The following DLC1 variants were observed in gnomAD, a reference collection of about 807,000 sequenced individuals.
DLC1 encodes rho GTPase-activating protein 7.
Under a neutral mutation model 140.3 loss-of-function variants are expected in DLC1, and 54 were observed. The ratio of observed to expected loss-of-function variants is 0.38; its 90% CI spans 0.31 to 0.48. The LOEUF (loss-of-function observed/expected upper bound fraction) is 0.48. DLC1 is among the 20% of genes least tolerant of loss of function. The pLI is 0.96. For synonymous variants in DLC1, 986 were observed against 728.1 expected, an observed-to-expected ratio of 1.35 and a Z score of -5.70; for missense variants, 2,536 against 1,907.0, an observed-to-expected ratio of 1.33 and a Z score of -6.14.
chr8:13,455,282 G>A (rs190455889), intron 2 of DLC1, among the ~76,000 whole-genome samples: 11 of 152,264 alleles, frequency 7.2e-5, no homozygotes, highest in Admixed American at 2.6e-4. Context: ...GCACACAATT[G>A]CCTACACAGA....
At chr8:13,415,367 T>G (rs2117318043) in intron 2 of DLC1, among the ~76,000 whole-genome samples, 1 of 151,978 alleles carries the variant, frequency 6.6e-6, no homozygotes, top group Non-Finnish European at 1.5e-5. Flanking sequence ...CCCCTTCATC[T>G]TCTCAGTGAT....
At chr8:13,456,484 G>A (rs1285380632) in intron 2 of DLC1, among the ~76,000 whole-genome samples, 1 of 151,206 alleles carries the variant, frequency 6.6e-6, no homozygotes, top group African/African-American at 2.4e-5. Flanking sequence ...TTTTGAGACA[G>A]CATCTCACTC....
At chr8:13,201,859 T>C (rs1827397590) in intron 5 of DLC1, among the ~76,000 whole-genome samples, 2 of 151,894 alleles carry the variant, frequency 1.3e-5, no homozygotes, top group Admixed American at 6.6e-5. Context: ...GGTAAACTCA[T>C]GTCACAGGGT....
At chr8:13,412,710 A>G (rs1463704895) in intron 2 of DLC1, among the ~76,000 whole-genome samples, 7 of 151,842 alleles carry the variant, frequency 4.6e-5, no homozygotes, top group Non-Finnish European at 7.4e-5. Context: ...GAGGTGGGCG[A>G]ATCACGAGGT....
At chr8:13,316,897 G>T (rs1185287513) in intron 4 of DLC1, among the ~76,000 whole-genome samples, 1 of 151,956 alleles carries the variant, frequency 6.6e-6, no homozygotes, top group African/African-American at 2.4e-5. Flanking sequence ...TATGTTAAGG[G>T]TTTCTTGTAT....
intron 5 of DLC1, among the ~76,000 whole-genome samples, chr8:13,271,983 G>GTT (rs919331853): frequency 3.3e-5 from 5 of 152,204 alleles, no homozygotes; most frequent in Non-Finnish European, 7.3e-5. Flanking sequence ...GCTCTTAAAT[G>GTT]TTTAGCTATG....
intron 1 of DLC1, among the ~76,000 whole-genome samples, chr8:13,568,614 C>G (rs1312208119): frequency 6.6e-6 from 1 of 151,974 alleles, no homozygotes; most frequent in Non-Finnish European, 1.5e-5. Flanking sequence ...AGGGTTGATA[C>G]AAACTCTTGA....
At chr8:13,526,000 A>G (rs1802911722) in intron 1 of DLC1, among the ~76,000 whole-genome samples, 5 of 152,140 alleles carry the variant, frequency 3.3e-5, no homozygotes, top group Admixed American at 1.3e-4. Context: ...AATTTTTTAT[A>G]TGGTGAAAGT....
At chr8:13,155,842 C>T (rs994085306) in intron 5 of DLC1, among the ~76,000 whole-genome samples, 10 of 151,994 alleles carry the variant, frequency 6.6e-5, no homozygotes, top group Admixed American at 2.0e-4. Context: ...CGCTATGAGC[C>T]GAAAGCTCAT....
intron 5 of DLC1, among the ~76,000 whole-genome samples, chr8:13,271,776 C>T (rs1830939651): frequency 6.6e-6 from 1 of 152,160 alleles, no homozygotes; most frequent in Admixed American, 6.5e-5. Context: ...CTTTGAACTC[C>T]TGGGCTCAAG....
rs117276589 is a variant in DLC1, at chr8:13,251,111, T to C, written c.1348+54158A>G. ...ACAGCCACCTTCTTGTCTTCTCACATGGCCTTTCCTTTCTATGTGCACTCT... is the reference window on the plus strand; with the variant it reads ...ACAGCCACCTTCTTGTCTTCTCACACGGCCTTTCCTTTCTATGTGCACTCT... On this transcript the variant is annotated intron_variant, in intron 5 of 17. Transcript: ENST00000276297. Among the ~76,000 whole-genome samples the C allele has an allele frequency of 1.6e-3, 241 of 152,330 alleles. 7 individuals carry two copies. In the East Asian group the frequency reaches 0.044, roughly 28 times the overall value.
chr8:13,295,729 T>C (rs1831917366), intron 5 of DLC1, among the ~76,000 whole-genome samples: 1 of 152,122 alleles, frequency 6.6e-6, no homozygotes, highest in African/African-American at 2.4e-5. Context: ...CGTTTTATAC[T>C]CAGTGAGGTC....
At chr8:13,090,213 T>A (rs1817928619) in intron 15 of DLC1, 39 bp downstream of exon 15, 1 of 1,589,984 alleles carries the variant, frequency 6.3e-7, no homozygotes, top group African/African-American at 1.3e-5. Context: ...AAGCTTCGAC[T>A]CCTGGACTCA....
intron 2 of DLC1, among the ~76,000 whole-genome samples, chr8:13,473,445 T>G (rs1019696314): frequency 4.6e-5 from 7 of 152,160 alleles, no homozygotes; most frequent in African/African-American, 1.4e-4. Flanking sequence ...GTGACTTGCT[T>G]CTTCTTCCTT....
chr8:13,478,478 C>T (rs886830264), intron 2 of DLC1, among the ~76,000 whole-genome samples: 2 of 152,184 alleles, frequency 1.3e-5, no homozygotes, highest in Non-Finnish European at 2.9e-5. Context: ...CACCTTCTCT[C>T]CTGTTCAGGG....
At chr8:13,167,285 C>G (rs1418547716) in intron 5 of DLC1, among the ~76,000 whole-genome samples, 1 of 151,710 alleles carries the variant, frequency 6.6e-6, no homozygotes, top group Non-Finnish European at 1.5e-5. Flanking sequence ...TTCCTATGTT[C>G]TTAAGTCTAA....
Position 13,497,248 on chromosome 8 carries a change from A to T in DLC1, c.1023+1801T>A, listed in dbSNP as rs1287796811. On this transcript the variant is annotated intron_variant, in intron 2 of 17. Transcript: ENST00000276297. Reference sequence around the variant, plus strand: ...AATTTCTAAAAATGGCGAATTGCCAATTCAATGGTATTTTAACACTCATCC... The same window carrying T: ...AATTTCTAAAAATGGCGAATTGCCATTTCAATGGTATTTTAACACTCATCC... 2.6e-5 allele frequency among the ~76,000 whole-genome samples: 4 copies of T among 152,202 alleles called. No individual in the cohort carries two copies. The East Asian group carries it at 5.8e-4, about 22-fold the overall frequency.
intron 5 of DLC1, among the ~76,000 whole-genome samples, chr8:13,286,415 T>C (rs1445824787): frequency 6.6e-6 from 1 of 152,206 alleles, no homozygotes; most frequent in East Asian, 1.9e-4. Context: ...ATGTCAATGA[T>C]AAAATGTATT....
intron 2 of DLC1, among the ~76,000 whole-genome samples, chr8:13,460,284 A>G (rs75503090): frequency 0.064 from 9,740 of 152,278 alleles, 706 homozygotes; most frequent in African/African-American, 0.18. Flanking sequence ...TCCTCTGCAT[A>G]CAAATTTTCA....
Sources: allele counts gnomAD v4.1 joint callset (sites outside exome capture counted in the v4.1 genomes callset), GRCh38; gene constraint gnomAD v4.1.1; transcripts MANE v1.5; gene names NCBI Gene and HGNC (gene_info 2026-07-23, HGNC 2026-07-21).